ZNF407: variants seen among roughly 807,000 people sequenced by gnomAD.
ZNF407 encodes the protein zinc finger protein 407.
ZNF407 carries 17 observed loss-of-function variants against 131.2 expected under a neutral mutation model. The ratio of observed to expected loss-of-function variants is 0.13; its 90% confidence interval spans 0.09 to 0.19. The LOEUF (loss-of-function observed/expected upper bound fraction) is 0.19. Among genes scored for constraint, ZNF407 ranks in the 10% least tolerant of loss-of-function variants. The pLI, the probability that ZNF407 is intolerant of heterozygous loss-of-function variation, is 1.00. For synonymous variants in ZNF407, 1,156 were observed against 1,062.0 expected (o/e 1.09, Z -1.72); for missense variants, 2,681 against 2,830.6 (o/e 0.95, Z 1.20).
chr18:74,808,113 A>G (rs1193992530), intron 4 of ZNF407, among the ~76,000 whole-genome samples: 1 of 152,096 alleles, frequency 6.6e-6, no homozygotes, highest in Admixed American at 6.5e-5. Context: ...TCCGAGGTTC[A>G]GATGATTCTC....
At chr18:74,983,845 T>A (rs1443468306) in intron 8 of ZNF407, among the ~76,000 whole-genome samples, 1 of 152,208 alleles carries the variant, frequency 6.6e-6, no homozygotes, top group Non-Finnish European at 1.5e-5. Context: ...CCGTCATGGC[T>A]CCTGGTGGCA....
intron 8 of ZNF407, among the ~76,000 whole-genome samples, chr18:74,997,499 A>G (rs922357681): frequency 2.0e-5 from 3 of 152,208 alleles, no homozygotes; most frequent in African/African-American, 7.2e-5. Context: ...ACTTAAGTAA[A>G]AAAAATAAAT....
intron 3 of ZNF407, among the ~76,000 whole-genome samples, chr18:74,773,634 ATGTGATTCATT>A (rs1969407632): frequency 6.6e-6 from 1 of 152,228 alleles, no homozygotes; most frequent in Admixed American, 6.5e-5. Context: ...AAAAGCTAAA[ATGTGATTCATT>A]TACAGTAATG....
chr18:74,936,083 C>T (rs1277733293), intron 8 of ZNF407, among the ~76,000 whole-genome samples: 2 of 152,146 alleles, frequency 1.3e-5, no homozygotes, highest in African/African-American at 4.8e-5. Context: ...ACTTTTCACT[C>T]CAATTTCTCT....
chr18:74,636,297 G>A (rs917452261), intron 2 of ZNF407, among the ~76,000 whole-genome samples: 14 of 152,078 alleles, frequency 9.2e-5, no homozygotes, highest in Admixed American at 3.9e-4. Context: ...GTCACAGTTA[G>A]TGTTCCATTT....
At chr18:74,671,726 C>T (rs2144753283) in intron 3 of ZNF407, among the ~76,000 whole-genome samples, 1 of 152,248 alleles carries the variant, frequency 6.6e-6, no homozygotes, top group Non-Finnish European at 1.5e-5. Context: ...GCATAGTATG[C>T]CACAAAATCC....
intron 8 of ZNF407, among the ~76,000 whole-genome samples, chr18:75,031,969 CAAG>C (rs1973245466): frequency 1.3e-5 from 2 of 152,194 alleles, no homozygotes; most frequent in South Asian, 4.1e-4. Flanking sequence ...TACTGCTAAG[CAAG>C]CTCTAAGATA....
intron 3 of ZNF407, among the ~76,000 whole-genome samples, chr18:74,705,454 T>C (rs1967602648): frequency 1.3e-5 from 2 of 152,224 alleles, no homozygotes; most frequent in African/African-American, 2.4e-5. Context: ...CTTAAACTTA[T>C]TAGATGCCTT....
At chr18:74,850,555 G>C (rs189458305) in intron 4 of ZNF407, among the ~76,000 whole-genome samples, 1 of 152,204 alleles carries the variant, frequency 6.6e-6, no homozygotes, top group East Asian at 1.9e-4. Flanking sequence ...TGAATTCAAC[G>C]AATATTTTTA....
chr18:74,638,436 G>GGTTAGAT (rs769458318), intron 2 of ZNF407, among the ~76,000 whole-genome samples: 5 of 152,184 alleles, frequency 3.3e-5, no homozygotes, highest in African/African-American at 4.8e-5. Flanking sequence ...TGGCTCTAGT[G>GGTTAGAT]GTTAGATGTT....
At position 74,634,814 on chromosome 18, in the gene ZNF407, C is replaced by A; in HGVS notation, c.3795C>A (p.Leu1265=). The change falls in exon 2 of 9, where the codon CTC becomes CTA. Residue 1265 remains leucine, a synonymous_variant. Coordinates refer to ENST00000299687, the MANE Select transcript of ZNF407 (RefSeq NM_017757.3). Reference sequence around the variant, plus strand: ...AGCGCTCGGCTGAAAGCCCTGTGCTCGTTGTGACAAGAATAACCAGAGAAC... The same window carrying A: ...AGCGCTCGGCTGAAAGCCCTGTGCTAGTTGTGACAAGAATAACCAGAGAAC... ...DGERSAESPV[L]VVTRITREQG... is the part of the protein sequence containing the mutation. 2 of 1,613,924 alleles carry A rather than the reference C, an allele frequency of 1.2e-6. No homozygotes were observed. The highest frequency in any genetic ancestry group is 1.6e-4 in the Middle Eastern group (1 of 6,062).
intron 4 of ZNF407, among the ~76,000 whole-genome samples, chr18:74,843,006 G>GT (rs570683288): frequency 2.6e-5 from 4 of 152,104 alleles, no homozygotes; most frequent in Non-Finnish European, 5.9e-5. Flanking sequence ...ATGAGCCACC[G>GT]TGCCTGGCCC....
intron 8 of ZNF407, among the ~76,000 whole-genome samples, chr18:75,028,682 G>A (rs1973200332): frequency 6.6e-6 from 1 of 152,204 alleles, no homozygotes; most frequent in Non-Finnish European, 1.5e-5. Context: ...GAAGGGCAGG[G>A]TGTGGGCCTG....
intron 4 of ZNF407, among the ~76,000 whole-genome samples, chr18:74,794,749 A>G (rs549543241): frequency 6.6e-6 from 1 of 152,270 alleles, no homozygotes; most frequent in East Asian, 1.9e-4. Flanking sequence ...AAAATGAACT[A>G]TGATTTCATA....
chr18:74,702,624 A>G (rs895395179), intron 3 of ZNF407, among the ~76,000 whole-genome samples: 3 of 152,146 alleles, frequency 2.0e-5, no homozygotes. Context: ...CATTGTTTCC[A>G]GTGCATGTAA....
rs1418102258 is a variant in ZNF407 at position 74,779,143 on chromosome 18, G to T, written c.4803-2285G>T. Among the ~76,000 whole-genome samples the T allele has an allele frequency of 8.8e-3, 498 of 56,840 alleles. 6 individuals carry two copies. The highest frequency in any genetic ancestry group is 0.023 in the African/African-American group (475 of 20,550). 37.3% of individuals were successfully genotyped at this position (56,840 alleles called of 152,430 possible). ...TTTTTTTTTTTTTTTTGAGACGGAG[G>T]CTTGCTCTGTCGTCCAGGCTGGAGT... is the stretch of plus-strand genomic sequence containing the variant. On this transcript the variant is annotated intron_variant, in intron 3 of 8. Transcript: ENST00000299687.
intron 1 of ZNF407, among the ~76,000 whole-genome samples, chr18:74,623,065 GAT>G (rs1434882526): frequency 1.1e-4 from 17 of 150,522 alleles, no homozygotes; most frequent in South Asian, 2.1e-4. Flanking sequence ...TGTGAGTGAA[GAT>G]ATGTGTGTAT....
chr18:74,704,884 A>G (rs1889524132), intron 3 of ZNF407, among the ~76,000 whole-genome samples: 1 of 152,222 alleles, frequency 6.6e-6, no homozygotes, highest in African/African-American at 2.4e-5. Flanking sequence ...GGCTCCTAAC[A>G]GCAAAGAAGG....
chr18:74,732,361 G>A (rs1319219573), intron 3 of ZNF407, among the ~76,000 whole-genome samples: 1 of 152,124 alleles, frequency 6.6e-6, no homozygotes, highest in South Asian at 2.1e-4. Context: ...TTTGGACTTG[G>A]TTCAGAGGTT....
Sources: gnomAD v4.1 joint callset for allele counts (sites outside exome capture counted in the v4.1 genomes callset) on GRCh38, gnomAD v4.1.1 for gene constraint, MANE v1.5 for transcripts, NCBI Gene and HGNC (gene_info 2026-07-23, HGNC 2026-07-21) for gene names.